ADK: variants seen among roughly 807,000 people sequenced by gnomAD.
ADK encodes N6,N6-dimethyladenosine kinase.
In ADK, 24 loss-of-function variants were observed where a neutral mutation model predicts 44.7. That is an observed-to-expected ratio of 0.54 (90% CI 0.39 to 0.76). The LOEUF (loss-of-function observed/expected upper bound fraction) is 0.76. Ranked by LOEUF, ADK falls within the 30% of genes least tolerant of loss-of-function variation. The probability of loss-of-function intolerance (pLI) is 0.00; values close to 1 mark genes in which losing one functional copy is unlikely to be tolerated. For synonymous variants in ADK, 128 were observed against 142.6 expected, an observed-to-expected ratio of 0.90 and a Z score of 0.73; for missense variants, 321 against 425.1, an observed-to-expected ratio of 0.76 and a Z score of 2.15.
chr10:74,165,662 T>A (rs1842016294), intron 1 of ADK, among the ~76,000 whole-genome samples: 1 of 151,850 alleles, frequency 6.6e-6, no homozygotes, highest in African/African-American at 2.4e-5. Context: ...GTTCAGGACC[T>A]CTGACTCATG....
chr10:74,311,505 TG>T (rs1178134176), intron 3 of ADK, among the ~76,000 whole-genome samples: 2 of 152,198 alleles, frequency 1.3e-5, no homozygotes, highest in African/African-American at 4.8e-5. Context: ...TGCTAGAGCT[TG>T]TAGGCTCTGT....
chr10:74,466,884 A>G (rs1020689269), intron 6 of ADK, among the ~76,000 whole-genome samples: 3 of 152,176 alleles, frequency 2.0e-5, no homozygotes, highest in Non-Finnish European at 4.4e-5. Flanking sequence ...TTTATATACA[A>G]CAAATAAAAA....
At chr10:74,279,328 G>A (rs1293681181) in intron 3 of ADK, among the ~76,000 whole-genome samples, 2 of 151,654 alleles carry the variant, frequency 1.3e-5, no homozygotes, top group African/African-American at 4.8e-5. Flanking sequence ...AGTGGCTCAC[G>A]CCTGTAATCC....
rs537179024 is a variant in ADK at position 74,353,400 on chromosome 10, C to T, written c.273+38655C>T. ...GGGAATGGAGCATAACATACCTGGG[C>T]CAGCTGGTGGGTAGGGGTCAAGGGG... On this transcript the variant is annotated intron_variant, in intron 4 of 10. Transcript: ENST00000539909. 8.2e-4 allele frequency among the ~76,000 whole-genome samples: 125 copies of T among 151,870 alleles called. 1 individual carries two copies. Among genetic ancestry groups the T allele is most frequent in the Middle Eastern group, 3.4e-3 (1 of 292 alleles).
At chr10:74,659,324 A>T (rs977311244) in intron 9 of ADK, among the ~76,000 whole-genome samples, 1 of 152,218 alleles carries the variant, frequency 6.6e-6, no homozygotes, top group Non-Finnish European at 1.5e-5. Context: ...TCCATGGAAA[A>T]CTATTTTTGT....
intron 7 of ADK, among the ~76,000 whole-genome samples, chr10:74,585,544 C>T (rs990035162): frequency 9.2e-5 from 14 of 152,276 alleles, no homozygotes; most frequent in Admixed American, 8.5e-4. Context: ...GCTTTTGTTG[C>T]TTGTCATGCA....
intron 6 of ADK, among the ~76,000 whole-genome samples, chr10:74,496,717 C>T (rs1218743319): frequency 6.6e-6 from 1 of 152,054 alleles, no homozygotes; most frequent in Non-Finnish European, 1.5e-5. Context: ...GATCCTCTTG[C>T]TTCCACCTCC....
intron 6 of ADK, among the ~76,000 whole-genome samples, chr10:74,459,473 G>A (rs535979821): frequency 2.0e-5 from 3 of 151,782 alleles, no homozygotes; most frequent in Non-Finnish European, 4.4e-5. Flanking sequence ...GCTCATGTCT[G>A]TAATCCCAGC....
chr10:74,161,786 G>A (rs563371122), intron 1 of ADK, among the ~76,000 whole-genome samples: 12 of 151,486 alleles, frequency 7.9e-5, no homozygotes, highest in African/African-American at 2.9e-4. Flanking sequence ...GCTCACTGCA[G>A]CTTTGACCTC....
intron 7 of ADK, among the ~76,000 whole-genome samples, chr10:74,580,471 A>T (rs1439241857): frequency 6.6e-6 from 1 of 151,956 alleles, no homozygotes; most frequent in Admixed American, 6.6e-5. Flanking sequence ...GCTACTTGAG[A>T]GGCTGAGGCA....
chr10:74,421,877 T>G lies in ADK; in HGVS notation c.555+23298T>G, dbSNP rs183052932. Among the ~76,000 whole-genome samples the G allele has an allele frequency of 2.0e-4, 31 of 152,248 alleles. No individual in the cohort carries two copies. The South Asian group carries it at 2.9e-3, about 14-fold the overall frequency. On this transcript the variant is annotated intron_variant, in intron 6 of 10. Coordinates refer to ENST00000539909, the MANE Select transcript of ADK (RefSeq NM_006721.4). ...TAGCATTGGATTAAGGATAAATTATTGAGTAAATATACATGAGTTCACAGT... is the reference window on the plus strand; with the variant it reads ...TAGCATTGGATTAAGGATAAATTATGGAGTAAATATACATGAGTTCACAGT...
rs187468572 is a variant in ADK, at chr10:74,465,801, G to A, written c.556-59455G>A. On this transcript the variant is annotated intron_variant, in intron 6 of 10. Transcript: ENST00000539909. Reference sequence around the variant, plus strand: ...TGGTCTAGTTTTGTATAAATTATGGGGAAAGTCTTGGTCTCATAGTTTAGC... The same window carrying A: ...TGGTCTAGTTTTGTATAAATTATGGAGAAAGTCTTGGTCTCATAGTTTAGC... Among the ~76,000 whole-genome samples the A allele has an allele frequency of 4.6e-5, 7 of 152,176 alleles. No individual in the cohort carries two copies. The South Asian group carries it at 8.3e-4, about 18-fold the overall frequency.
chr10:74,349,583 A>G (rs1030893358), intron 4 of ADK, among the ~76,000 whole-genome samples: 2 of 152,242 alleles, frequency 1.3e-5, no homozygotes, highest in African/African-American at 2.4e-5. Flanking sequence ...TTAGCTGTAC[A>G]TGGCCTAAAT....
intron 8 of ADK, among the ~76,000 whole-genome samples, chr10:74,591,432 A>G (rs1222461956): frequency 6.6e-6 from 1 of 152,110 alleles, no homozygotes. Flanking sequence ...GATTCCCAAA[A>G]CCATCACAAG....
rs11812826 is a variant in ADK, at chr10:74,333,138, G to A, written c.273+18393G>A. On this transcript the variant is annotated intron_variant, in intron 4 of 10. Transcript: ENST00000539909. ...GATGACAAATCAAAAAATTGAAATCGTCTATTTTTTCAGCTATTTTAAAAG... is the reference window on the plus strand; with the variant it reads ...GATGACAAATCAAAAAATTGAAATCATCTATTTTTTCAGCTATTTTAAAAG... 5.3e-3 allele frequency among the ~76,000 whole-genome samples: 806 copies of A among 152,142 alleles called. 13 individuals carry two copies. Among genetic ancestry groups the A allele is most frequent in the African/African-American group, 0.018 (729 of 41,508 alleles).
In ADK at chr10:74,489,917, C is replaced by T. The variant is rs190742623; in HGVS notation, c.556-35339C>T. The stretch of plus-strand genomic sequence containing the variant: ...ATAATATAATTGGATTTGCAATGCT[C>T]TCTTAAGAGATTCTTTAAAATCATG... On this transcript the variant is annotated intron_variant, in intron 6 of 10. Coordinates refer to ENST00000539909, the MANE Select transcript of ADK (RefSeq NM_006721.4). Among the ~76,000 whole-genome samples the T allele has an allele frequency of 8.6e-5, 13 of 151,992 alleles. 1 individual carries two copies. The East Asian group carries it at 2.5e-3, about 29-fold the overall frequency.
rs569584514 is a variant in ADK, at chr10:74,189,041, C to T, written c.66-11723C>T. Among the ~76,000 whole-genome samples, 148 of 151,988 alleles carry T rather than the reference C, an allele frequency of 9.7e-4. 1 individual carries two copies. The highest frequency in any genetic ancestry group is 3.2e-3 in the African/African-American group (133 of 41,482). ...CCACCTTGGCCCCCCAAAGTGCCAC[C>T]GCTCCCAGCCACATTTCTTTCATTA... is the stretch of plus-strand genomic sequence containing the variant. On this transcript the variant is annotated intron_variant, in intron 1 of 10. Transcript: ENST00000539909.
At chr10:74,260,341 C>G (rs1845998390) in intron 3 of ADK, among the ~76,000 whole-genome samples, 1 of 152,218 alleles carries the variant, frequency 6.6e-6, no homozygotes, top group African/African-American at 2.4e-5. Flanking sequence ...GTGATCACAG[C>G]TCACTGAAGC....
At chr10:74,509,699 T>G (rs1169634255) in intron 6 of ADK, among the ~76,000 whole-genome samples, 1 of 152,184 alleles carries the variant, frequency 6.6e-6, no homozygotes, top group Non-Finnish European at 1.5e-5. Context: ...TAGTTGTAAT[T>G]TTGGTATCCT....
Sources: allele counts gnomAD v4.1 joint callset (sites outside exome capture counted in the v4.1 genomes callset), GRCh38; gene constraint gnomAD v4.1.1; transcripts MANE v1.5; gene names NCBI Gene and HGNC (gene_info 2026-07-23, HGNC 2026-07-21).